Variants in SYNJ2 observed in about 807,000 individuals in gnomAD.
The protein encoded by SYNJ2 is synaptojanin 2, also known as polyphosphatidylinositol phosphatase SYNJ2.
Under a neutral mutation model 141.3 loss-of-function variants are expected in SYNJ2, and 116 were observed. The ratio of observed to expected loss-of-function variants is 0.82; its 90% CI spans 0.71 to 0.96. The LOEUF is 0.96. Ranked by LOEUF, SYNJ2 falls within the 40% of genes least tolerant of loss-of-function variation. SYNJ2 has a pLI of 0.00. For missense variants in SYNJ2, 1,873 were observed against 1,934.8 expected (o/e 0.97, Z 0.60); for synonymous variants, 745 against 777.7 (o/e 0.96, Z 0.70).
In SYNJ2 at chr6:158,096,240, C is replaced by T. The variant is rs372958923; in HGVS notation, c.4367C>T (p.Ala1456Val). Reference sequence around the variant, plus strand: ...CCCATAGACCCAGTGTCAGCTGGCGCTTCAGCTGCCAAGGCAGAGCTGCCA... The same window carrying T: ...CCCATAGACCCAGTGTCAGCTGGCGTTTCAGCTGCCAAGGCAGAGCTGCCA... ...RDPIDPVSAG[A>V]SAAKAELPPD... Residue 1456 changes from alanine (A) to valine (V), a missense_variant, in exon 27 of 27, where the codon GCT (alanine) becomes GTT (valine). Transcript: ENST00000355585. 1.4e-5 allele frequency: 23 copies of T among 1,614,262 alleles called. No individual in the cohort carries two copies. The highest frequency in any genetic ancestry group is 1.9e-5 in the Non-Finnish European group (22 of 1,180,054).
intron 23 of SYNJ2, 62 bp from the exon 24 acceptor site, chr6:158,088,598 C>T: frequency 1.6e-6 from 2 of 1,284,682 alleles, no homozygotes; most frequent in Non-Finnish European, 2.3e-6. Context: ...GGGCTCCTGG[C>T]AGCTGGCTGG....
At chr6:158,082,470 G>A in intron 20 of SYNJ2, among the ~76,000 whole-genome samples, 1 of 127,516 alleles carries the variant, frequency 7.8e-6, no homozygotes, top group East Asian at 2.4e-4. Context: ...CCAGGCAACA[G>A]TGTGAGACTC....
chr6:158,030,210 CGCACTGAT>C (rs1779289271), intron 3 of SYNJ2, among the ~76,000 whole-genome samples: 1 of 152,186 alleles, frequency 6.6e-6, no homozygotes, highest in South Asian at 2.1e-4. Flanking sequence ...CTGTCAGATT[CGCACTGAT>C]GCCTAGAGAT....
intron 6 of SYNJ2, among the ~76,000 whole-genome samples, chr6:158,058,246 A>G (rs1024233765): frequency 2.0e-5 from 3 of 152,234 alleles, no homozygotes; most frequent in African/African-American, 7.2e-5. Flanking sequence ...TTTAGGCATA[A>G]AGATTGCACC....
Position 158,095,833 on chromosome 6 carries a change from A to G in SYNJ2, c.3960A>G (p.Pro1320=). ...EAPPGAGASV[P]PPLEAPPLVP... is the part of the protein sequence containing the mutation. Reference sequence around the variant, plus strand: ...CTCCTGGGGCAGGAGCCTCTGTGCCACCACCTCTGGAGGCGCCGCCTCTTG... The same window carrying G: ...CTCCTGGGGCAGGAGCCTCTGTGCCGCCACCTCTGGAGGCGCCGCCTCTTG... The change falls in exon 27 of 27, where the codon CCA becomes CCG. Residue 1320 remains proline, a synonymous_variant. Transcript: ENST00000355585. The G allele has an allele frequency of 6.2e-7, 1 of 1,614,136 alleles. No homozygotes were observed. The highest frequency in any genetic ancestry group is 8.5e-7 in the Non-Finnish European group (1 of 1,179,994).
chr6:158,073,547 G>A (rs2128378331), intron 15 of SYNJ2, among the ~76,000 whole-genome samples: 1 of 152,286 alleles, frequency 6.6e-6, no homozygotes, highest in Non-Finnish European at 1.5e-5. Context: ...GCCATAAGTA[G>A]CTATTTAAAT....
At chr6:157,987,532 G>C (rs1308937194) in intron 1 of SYNJ2, among the ~76,000 whole-genome samples, 1 of 152,116 alleles carries the variant, frequency 6.6e-6, no homozygotes, top group Admixed American at 6.5e-5. Context: ...CTCCTGAGTA[G>C]CTGGGACTAC....
chr6:158,050,818 T>C (rs994357334), intron 5 of SYNJ2, among the ~76,000 whole-genome samples: 2 of 152,194 alleles, frequency 1.3e-5, no homozygotes, highest in African/African-American at 2.4e-5. Context: ...TGTGCAGGTT[T>C]GTTAGAAACT....
intron 1 of SYNJ2, among the ~76,000 whole-genome samples, chr6:158,010,076 C>T (rs1488834389): frequency 1.3e-5 from 2 of 152,200 alleles, no homozygotes; most frequent in African/African-American, 2.4e-5. Flanking sequence ...ACCACCATGC[C>T]TGGTTACTTT....
intron 6 of SYNJ2, among the ~76,000 whole-genome samples, chr6:158,057,374 G>A (rs1162500360): frequency 2.6e-5 from 4 of 152,102 alleles, no homozygotes; most frequent in Non-Finnish European, 2.9e-5. Flanking sequence ...ACCTGGGTCG[G>A]CAGGGCCTCT....
intron 16 of SYNJ2, 61 bp from the exon 17 acceptor site, chr6:158,076,565 T>G: frequency 6.5e-7 from 1 of 1,539,976 alleles, no homozygotes; most frequent in Non-Finnish European, 8.8e-7. Context: ...TTTTCGTTTT[T>G]GTATATAACA....
In SYNJ2 at chr6:158,081,464, C is replaced by A; in HGVS notation, c.2819C>A (p.Ala940Glu). The change falls in exon 20 of 27, where the codon GCA becomes GAA. Residue 940 changes from alanine to glutamate, a missense_variant. Ala to Glu is a moderately radical substitution (Grantham distance 107, BLOSUM62 -1). Transcript: ENST00000355585. ...CAAGGGCAGATGCTGGTAACTTTTG[C>A]AGACAGTCACTCGGCTCTCAGTGTC... ...INQGQMLVTF[A>E]DSHSALSVLD... The A allele has an allele frequency of 6.2e-7, 1 of 1,614,050 alleles. No individual in the cohort carries two copies. Among genetic ancestry groups the A allele is most frequent in the Non-Finnish European group, 8.5e-7 (1 of 1,180,014 alleles).
At chr6:158,092,314 C>T (rs1783514912) in intron 25 of SYNJ2, among the ~76,000 whole-genome samples, 1 of 152,160 alleles carries the variant, frequency 6.6e-6, no homozygotes, top group Admixed American at 6.5e-5. Context: ...CCACAGACCC[C>T]AGATCACCAC....
rs1486242979 is a variant in SYNJ2, at chr6:158,070,555, A to G, written c.1940+882A>G. On this transcript the variant is annotated intron_variant, in intron 14 of 26. Transcript: ENST00000355585. The surrounding 1 kb of genome is among the most constrained non-coding windows in gnomAD (Gnocchi z 4.0). ...GCGGGGTGAGGGTGAGAGGTAAAGC[A>G]TTTGAGAAAGGGCTCAGAGCTGAGG... 3.1e-6 allele frequency: 3 copies of G among 975,084 alleles called. No homozygotes were observed. In the African/African-American group the frequency reaches 5.3e-5, roughly 17 times the overall value. The allele number at this position is 975,084 out of a possible 1,614,324, so 60.4% of individuals were successfully genotyped here.
chr6:158,007,639 GTTTTGT>G (rs757416961), intron 1 of SYNJ2, among the ~76,000 whole-genome samples: 8 of 152,130 alleles, frequency 5.3e-5, no homozygotes, highest in African/African-American at 9.7e-5. Flanking sequence ...TTGTGGTTGT[GTTTTGT>G]TTTTGTTTTT....
chr6:158,048,453 C>G (rs893487054), intron 5 of SYNJ2, among the ~76,000 whole-genome samples: 15 of 152,224 alleles, frequency 9.9e-5, no homozygotes, highest in African/African-American at 3.4e-4. Context: ...AGGGCTGGGT[C>G]AAGGGCCTGT....
intron 6 of SYNJ2, among the ~76,000 whole-genome samples, chr6:158,057,429 G>A (rs910023770): frequency 6.6e-6 from 1 of 152,112 alleles, no homozygotes; most frequent in African/African-American, 2.4e-5. Flanking sequence ...GAAAGAAAGA[G>A]GAACCACGTC....
rs149708219 is a variant in SYNJ2 at position 158,064,717 on chromosome 6, C to A, written c.1326C>A (p.Phe442Leu). ...ATGGCCACAGCCTGAGCAAGGTGTT[C>A]ACAGGCAGCAGAGCCCTGGAAGGGA... Reference protein sequence around the residue: ...SLNGHSLSKVFTGSRALEGKA... With the variant: ...SLNGHSLSKVLTGSRALEGKA... Residue 442 changes from phenylalanine to leucine, a missense_variant, in exon 10 of 27, where the codon TTC becomes TTA. Transcript: ENST00000355585. 1 of 1,613,992 alleles carries A rather than the reference C, an allele frequency of 6.2e-7. No homozygotes were observed. Among genetic ancestry groups the A allele is most frequent in the Non-Finnish European group, 8.5e-7 (1 of 1,180,030 alleles).
intron 2 of SYNJ2, among the ~76,000 whole-genome samples, chr6:158,020,527 C>T (rs1275651430): frequency 6.6e-6 from 1 of 151,626 alleles, no homozygotes; most frequent in Non-Finnish European, 1.5e-5. Flanking sequence ...CAACTGTGTA[C>T]TGACTCTGTG....
Sources: allele counts gnomAD v4.1 joint callset (sites outside exome capture counted in the v4.1 genomes callset), GRCh38; gene constraint gnomAD v4.1.1; non-coding constraint Gnocchi (gnomAD v3.1); transcripts MANE v1.5; gene names NCBI Gene and HGNC (gene_info 2026-07-23, HGNC 2026-07-21).